ZNF609: variants seen among roughly 807,000 people sequenced by gnomAD.
ZNF609 encodes zinc finger protein 609.
ZNF609 carries 11 observed loss-of-function variants against 109.5 expected under a neutral mutation model. The ratio of observed to expected loss-of-function variants is 0.10; its 90% CI spans 0.06 to 0.17. ZNF609 has a LOEUF of 0.17. Among genes scored for constraint, ZNF609 ranks in the 10% least tolerant of loss-of-function variants. ZNF609 has a pLI of 1.00. For synonymous variants in ZNF609, 646 were observed against 662.0 expected, an observed-to-expected ratio of 0.98 and a Z score of 0.37; for missense variants, 1,559 against 1,772.4, an observed-to-expected ratio of 0.88 and a Z score of 2.16.
At chr15:64,483,992 T>C (rs944217212) in intron 1 of ZNF609, among the ~76,000 whole-genome samples, 9 of 152,072 alleles carry the variant, frequency 5.9e-5, no homozygotes, top group African/African-American at 1.9e-4. Flanking sequence ...ACTGTGCTGC[T>C]TCCTTGTTAA....
At chr15:64,563,719 T>C (rs1423766068) in intron 2 of ZNF609, among the ~76,000 whole-genome samples, 1 of 151,886 alleles carries the variant, frequency 6.6e-6, no homozygotes, top group Non-Finnish European at 1.5e-5. Context: ...GAAGTTGCGG[T>C]GAGCCAAGAT....
chr15:64,480,125 C>A (rs1893231254), intron 1 of ZNF609, among the ~76,000 whole-genome samples: 1 of 151,720 alleles, frequency 6.6e-6, no homozygotes, highest in Non-Finnish European at 1.5e-5. Context: ...GTAATCCCAG[C>A]TCCTCAGGGG....
intron 2 of ZNF609, among the ~76,000 whole-genome samples, chr15:64,547,982 G>A (rs181244210): frequency 6.5e-4 from 99 of 152,188 alleles, no homozygotes; most frequent in African/African-American, 2.3e-3. Flanking sequence ...GCAGGAAAAA[G>A]TACTAATTCA....
intron 2 of ZNF609, among the ~76,000 whole-genome samples, chr15:64,594,021 TG>T (rs1895347015): frequency 6.6e-6 from 1 of 152,188 alleles, no homozygotes; most frequent in South Asian, 2.1e-4. Context: ...TTTTATGTCA[TG>T]AACACACATA....
chr15:64,619,046 AT>A (rs1288603971), intron 2 of ZNF609, among the ~76,000 whole-genome samples: 4 of 152,088 alleles, frequency 2.6e-5, no homozygotes, highest in Non-Finnish European at 5.9e-5. Context: ...CTTCTGTATC[AT>A]TTAAAGGGAC....
At chr15:64,629,233 T>C (rs1039976654) in intron 3 of ZNF609, among the ~76,000 whole-genome samples, 2 of 152,178 alleles carry the variant, frequency 1.3e-5, no homozygotes, top group Admixed American at 1.3e-4. Context: ...AGCCACTAGA[T>C]AGGGTCTGTA....
chr15:64,575,693 A>G (rs983005309), intron 2 of ZNF609, among the ~76,000 whole-genome samples: 10 of 152,240 alleles, frequency 6.6e-5, no homozygotes, highest in African/African-American at 2.4e-4. Context: ...CAAAAAGGTT[A>G]TGAAATTTAA....
intron 2 of ZNF609, among the ~76,000 whole-genome samples, chr15:64,512,664 A>T (rs1205736850): frequency 1.3e-5 from 2 of 152,150 alleles, no homozygotes; most frequent in East Asian, 1.9e-4. Context: ...GATTTTTTTT[A>T]AAATAAATAC....
chr15:64,461,220 AG>A (rs1260506189), intron 1 of ZNF609, among the ~76,000 whole-genome samples: 1 of 4,104 alleles, frequency 2.4e-4, no homozygotes, highest in Non-Finnish European at 5.2e-4. Flanking sequence ...TTGGCGGGGG[AG>A]GGGGGGCGGG....
At chr15:64,589,381 A>G (rs1047546904) in intron 2 of ZNF609, among the ~76,000 whole-genome samples, 1 of 152,172 alleles carries the variant, frequency 6.6e-6, no homozygotes, top group Non-Finnish European at 1.5e-5. Context: ...AAACTTCAGC[A>G]GCAGCAGCAG....
chr15:64,595,925 A>C (rs1005743255), intron 2 of ZNF609, among the ~76,000 whole-genome samples: 2 of 152,012 alleles, frequency 1.3e-5, no homozygotes, highest in Non-Finnish European at 2.9e-5. Context: ...CATAGCTCTT[A>C]TTTTTCTCAG....
intron 1 of ZNF609, among the ~76,000 whole-genome samples, chr15:64,477,623 C>CG (rs1555413962): frequency 2.8e-5 from 4 of 142,678 alleles, no homozygotes; most frequent in Middle Eastern, 3.6e-3. Context: ...GTCTTATTTC[C>CG]TTTTTTTTTT....
intron 3 of ZNF609, among the ~76,000 whole-genome samples, chr15:64,648,569 A>G (rs1240997782): frequency 6.6e-6 from 1 of 152,118 alleles, no homozygotes; most frequent in Non-Finnish European, 1.5e-5. Flanking sequence ...CATCTTATTT[A>G]GCTATATAAC....
At chr15:64,479,542 C>T (rs1412200568) in intron 1 of ZNF609, among the ~76,000 whole-genome samples, 4 of 151,828 alleles carry the variant, frequency 2.6e-5, no homozygotes, top group Admixed American at 1.3e-4. Context: ...CCGCCCATCT[C>T]GACCTCCCAA....
intron 1 of ZNF609, among the ~76,000 whole-genome samples, chr15:64,479,417 A>T (rs1311748516): frequency 6.8e-6 from 1 of 148,036 alleles, no homozygotes; most frequent in East Asian, 2.1e-4. Context: ...TCAGCCTGCC[A>T]AGTAGCTGAG....
intron 2 of ZNF609, among the ~76,000 whole-genome samples, chr15:64,537,487 A>G (rs990096574): frequency 4.0e-5 from 6 of 150,696 alleles, no homozygotes; most frequent in Non-Finnish European, 8.9e-5. Context: ...GGGCAACAAG[A>G]GTGAAACTCT....
Position 64,606,974 on chromosome 15 carries a change from G to A in ZNF609, c.748-15853G>A, listed in dbSNP as rs80104236. Among the ~76,000 whole-genome samples, 18 of 151,846 alleles carry A rather than the reference G, an allele frequency of 1.2e-4. No individual in the cohort carries two copies. In the South Asian group the frequency reaches 2.3e-3, roughly 19 times the overall value. ...AGCCTGATCAACATGGAGAAACCCC[G>A]TCTCTATTAGAAATACAAAATTAGC... On this transcript the variant is annotated intron_variant, in intron 2 of 9. Transcript: ENST00000326648.
At chr15:64,574,450 C>T (rs924234997) in intron 2 of ZNF609, among the ~76,000 whole-genome samples, 3 of 152,122 alleles carry the variant, frequency 2.0e-5, no homozygotes, top group Non-Finnish European at 2.9e-5. Context: ...ATAGAATCTG[C>T]CCAAGGGACT....
chr15:64,557,577 T>C (rs1301823512), intron 2 of ZNF609, among the ~76,000 whole-genome samples: 2 of 152,166 alleles, frequency 1.3e-5, no homozygotes, highest in African/African-American at 4.8e-5. Flanking sequence ...GTCTCATAAA[T>C]TTGGCATGAA....
Sources: allele counts gnomAD v4.1 joint callset (sites outside exome capture counted in the v4.1 genomes callset), GRCh38; gene constraint gnomAD v4.1.1; transcripts MANE v1.5; gene names NCBI Gene and HGNC (gene_info 2026-07-23, HGNC 2026-07-21).